The following TRARG1 variants were observed in gnomAD, a reference collection of about 807,000 sequenced individuals.
TRARG1 encodes trafficking regulator of GLUT4 1.
TRARG1 carries 16 observed loss-of-function variants against 13.3 expected under a neutral mutation model. That is an observed-to-expected ratio of 1.20 (90% CI 0.81 to 1.83). The LOEUF is 1.83. TRARG1 is among the 40% of genes most tolerant of loss of function. The pLI, the probability that TRARG1 is intolerant of heterozygous loss-of-function variation, is 0.00. For missense variants in TRARG1, 250 were observed against 237.4 expected (o/e 1.05, Z -0.35); for synonymous variants, 113 against 106.2 (o/e 1.06, Z -0.39).
intron 1 of TRARG1, 21 bp from the exon 2 acceptor site, chr17:1,295,470 C>A: frequency 1.3e-6 from 2 of 1,575,290 alleles, no homozygotes; most frequent in Non-Finnish European, 1.7e-6. Flanking sequence ...TTCCCGGGGT[C>A]TCTCTGTGCT....
intron 1 of TRARG1, among the ~76,000 whole-genome samples, chr17:1,290,783 G>C (rs911214640): frequency 4.6e-5 from 7 of 152,134 alleles, no homozygotes; most frequent in Non-Finnish European, 7.4e-5. Context: ...ACCTTGAATT[G>C]TAGGCCCCAT....
At chr17:1,282,146 A>G (rs953609855) in intron 1 of TRARG1, among the ~76,000 whole-genome samples, 33 of 143,040 alleles carry the variant, frequency 2.3e-4, no homozygotes, top group Non-Finnish European at 3.6e-4. Flanking sequence ...GCATATATGT[A>G]CGTATACACG....
chr17:1,292,942 G>A (rs1436040442), intron 1 of TRARG1, among the ~76,000 whole-genome samples: 1 of 152,140 alleles, frequency 6.6e-6, no homozygotes. Flanking sequence ...GTGTGAATCG[G>A]GGGCGTGGGG....
chr17:1,282,832 G>A (rs2071993421), intron 1 of TRARG1, among the ~76,000 whole-genome samples: 1 of 152,034 alleles, frequency 6.6e-6, no homozygotes, highest in African/African-American at 2.4e-5. Flanking sequence ...TGGCATTACA[G>A]GCGCTGGCCA....
chr17:1,296,968 ACT>A (rs147079062), intron 2 of TRARG1, among the ~76,000 whole-genome samples: 1,891 of 151,796 alleles, frequency 0.012, 51 homozygotes, highest in African/African-American at 0.044. Context: ...TTCAAAGGTG[ACT>A]CTCTGCTGTT....
chr17:1,289,473 C>T (rs1215896160), intron 1 of TRARG1, among the ~76,000 whole-genome samples: 1 of 144,672 alleles, frequency 6.9e-6, no homozygotes, highest in Non-Finnish European at 1.5e-5. Context: ...CTGAAACCTC[C>T]TGCCAAGGGT....
chr17:1,295,690 C>A, intron 2 of TRARG1, 67 bp downstream of exon 2: 1 of 1,505,376 alleles, frequency 6.6e-7, no homozygotes, highest in Admixed American at 2.1e-5. Context: ...CAAGGGTGTA[C>A]CCAGCCTCAG....
In TRARG1 at chr17:1,299,053, CCTA is replaced by C. The variant is rs1364357543; in HGVS notation, c.*792_*794del. On this transcript the variant is annotated 3_prime_UTR_variant, in exon 3 of 3. Transcript: ENST00000333813. ...AGGACAAGCCAGTCTGCCTCTTCCT[CCTA>C]CTTCTGCTGTAGCCTGGGACCAGAC... 2 of 152,396 alleles carry C rather than the reference CCTA, an allele frequency of 1.3e-5. No individual in the cohort carries two copies. The highest frequency in any genetic ancestry group is 3.9e-4 in the East Asian group (2 of 5,190). 9.4% of individuals were successfully genotyped at this position (152,396 alleles called of 1,614,324 possible). A position where few individuals can be genotyped will look rare whatever the true frequency, so the allele number is the denominator to read the frequency against.
Position 1,279,899 on chromosome 17 carries a change from CG to C in TRARG1, c.-102del. On this transcript the variant is annotated 5_prime_UTR_variant, in exon 1 of 3. Transcript: ENST00000333813. ...GTCTCCTGAGGGACGCCCCTGCCCC[CG>C]ACCTGGAGGCCCTCAGTCTGGGCTG... The C allele has an allele frequency of 7.1e-7, 1 of 1,400,268 alleles. No homozygotes were observed. The highest frequency in any genetic ancestry group is 9.6e-7 in the Non-Finnish European group (1 of 1,043,794). 86.7% of individuals were successfully genotyped at this position (1,400,268 alleles called of 1,614,324 possible). A position where few individuals can be genotyped will look rare whatever the true frequency, so the allele number is the denominator to read the frequency against.
Position 1,300,087 on chromosome 17 carries a change from G to T in TRARG1, c.*1823G>T, listed in dbSNP as rs1172988749. On this transcript the variant is annotated 3_prime_UTR_variant, in exon 3 of 3. Coordinates refer to ENST00000333813, the MANE Select transcript of TRARG1 (RefSeq NM_172367.3). ...TCTCCTGCTCATACAGAAGGGACTG[G>T]TTGGGTTTGCTTTATGGGATCTTTG... 6.6e-6 allele frequency: 1 copy of T among 152,300 alleles called. No homozygotes were observed. Among genetic ancestry groups the T allele is most frequent in the Non-Finnish European group, 1.5e-5 (1 of 68,084 alleles). 9.4% of individuals were successfully genotyped at this position (152,300 alleles called of 1,614,324 possible). A position where few individuals can be genotyped will look rare whatever the true frequency, so the allele number is the denominator to read the frequency against.
Position 1,298,345 on chromosome 17 carries a change from G to A in TRARG1, c.*81G>A. ...GACCTGCACACCGCGGGAGGCCAGG[G>A]TGCTGACTGTCAAGCATCCCCTGTC... On this transcript the variant is annotated 3_prime_UTR_variant, in exon 3 of 3. Coordinates refer to ENST00000333813, the MANE Select transcript of TRARG1 (RefSeq NM_172367.3). The A allele has an allele frequency of 6.6e-7, 1 of 1,513,630 alleles. No homozygotes were observed. Among genetic ancestry groups the A allele is most frequent in the Non-Finnish European group, 9.0e-7 (1 of 1,106,948 alleles). The allele number at this position is 1,513,630 out of a possible 1,614,324, so 93.8% of individuals were successfully genotyped here. A position where few individuals can be genotyped will look rare whatever the true frequency, so the allele number is the denominator to read the frequency against.
intron 1 of TRARG1, among the ~76,000 whole-genome samples, chr17:1,282,302 G>A (rs868637033): frequency 1.0e-3 from 153 of 151,574 alleles, no homozygotes; most frequent in African/African-American, 3.3e-3. Context: ...GTACGTATAT[G>A]TACATATGCG....
chr17:1,285,744 G>A (rs1567929610), intron 1 of TRARG1, among the ~76,000 whole-genome samples: 1 of 151,858 alleles, frequency 6.6e-6, no homozygotes, highest in African/African-American at 2.4e-5. Context: ...GGAAGGGTAA[G>A]GTCGAGGAGG....
At chr17:1,283,055 C>T (rs892127278) in intron 1 of TRARG1, among the ~76,000 whole-genome samples, 1 of 152,106 alleles carries the variant, frequency 6.6e-6, no homozygotes, top group African/African-American at 2.4e-5. Context: ...CATTGCTAAC[C>T]AGACACTGTT....
chr17:1,285,584 A>C (rs1044341448), intron 1 of TRARG1, among the ~76,000 whole-genome samples: 1 of 152,076 alleles, frequency 6.6e-6, no homozygotes, highest in Non-Finnish European at 1.5e-5. Context: ...GCACGCCTGT[A>C]ATCTCAGCTA....
intron 1 of TRARG1, among the ~76,000 whole-genome samples, chr17:1,282,255 CGTATATGTACAT>C (rs2071985637): frequency 7.1e-6 from 1 of 140,336 alleles, no homozygotes; most frequent in African/African-American, 2.9e-5. Context: ...CGTATATGTA[CGTATATGTACAT>C]ATATGCACGT....
intron 1 of TRARG1, among the ~76,000 whole-genome samples, chr17:1,285,202 G>C (rs529515690): frequency 6.6e-6 from 1 of 151,966 alleles, no homozygotes; most frequent in Non-Finnish European, 1.5e-5. Context: ...TTGAGGTCAG[G>C]AGTTCGAGAC....
chr17:1,295,930 G>C (rs111327475), intron 2 of TRARG1, among the ~76,000 whole-genome samples: 12 of 152,206 alleles, frequency 7.9e-5, no homozygotes, highest in Non-Finnish European at 2.9e-5. Context: ...CTGGGACCAG[G>C]GTCGGTTCCT....
In TRARG1 at chr17:1,282,135, C is replaced by CGTGCATATATGTACGTATACACGT. The variant is rs10656138; in HGVS notation, c.387+1748_387+1749insTGCATATATGTACGTATACACGTG. Reference sequence around the variant, plus strand: ...ATAAATGCACATATGTACATATACACGCATATATGTACGTATACACGTGCA... The same window carrying CGTGCATATATGTACGTATACACGT: ...ATAAATGCACATATGTACATATACACGTGCATATATGTACGTATACACGTGCATATATGTACGTATACACGTGCA... On this transcript the variant is annotated intron_variant, in intron 1 of 2. Coordinates refer to ENST00000333813, the MANE Select transcript of TRARG1 (RefSeq NM_172367.3). 9.2e-3 allele frequency among the ~76,000 whole-genome samples: 1,018 copies of CGTGCATATATGTACGTATACACGT among 110,156 alleles called. 135 individuals carry two copies. Among genetic ancestry groups the CGTGCATATATGTACGTATACACGT allele is most frequent in the Admixed American group, 0.023 (257 of 11,334 alleles). The allele number at this position is 110,156 out of a possible 152,430, so 72.3% of individuals were successfully genotyped here.
Sources: gnomAD v4.1 joint callset for allele counts (sites outside exome capture counted in the v4.1 genomes callset) on GRCh38, gnomAD v4.1.1 for gene constraint, MANE v1.5 for transcripts, NCBI Gene and HGNC (gene_info 2026-07-23, HGNC 2026-07-21) for gene names.